PRKCE: variants seen among roughly 807,000 people sequenced by gnomAD.
PRKCE encodes protein kinase C epsilon type.
PRKCE carries 16 observed loss-of-function variants against 85.4 expected under a neutral mutation model. The observed-to-expected ratio is 0.19, with a 90% CI of 0.13 to 0.28. The LOEUF (loss-of-function observed/expected upper bound fraction) is 0.28, where lower values mean the gene tolerates loss of function less well. Among genes scored for constraint, PRKCE ranks in the 10% least tolerant of loss-of-function variants. The pLI, the probability that PRKCE is intolerant of heterozygous loss-of-function variation, is 1.00. For missense variants in PRKCE, 573 were observed against 975.2 expected (o/e 0.59, Z 5.49); for synonymous variants, 388 against 371.5 (o/e 1.04, Z -0.51).
chr2:45,846,684 C>A (rs934207895), intron 2 of PRKCE, among the ~76,000 whole-genome samples: 1 of 152,192 alleles, frequency 6.6e-6, no homozygotes, highest in Non-Finnish European at 1.5e-5. Flanking sequence ...TGGGACTCAA[C>A]AGATAGAGGA....
chr2:46,055,327 A>G (rs575100795), intron 10 of PRKCE, among the ~76,000 whole-genome samples: 15 of 152,298 alleles, frequency 9.8e-5, no homozygotes, highest in African/African-American at 3.4e-4. Context: ...TCCCCATCCC[A>G]CAAGGGTGGA....
chr2:45,888,254 A>G (rs899445692), intron 2 of PRKCE, among the ~76,000 whole-genome samples: 2 of 152,170 alleles, frequency 1.3e-5, no homozygotes, highest in Non-Finnish European at 2.9e-5. Context: ...GCAACAGCCC[A>G]AGGAGTTCTG....
intron 12 of PRKCE, among the ~76,000 whole-genome samples, chr2:46,149,953 C>A (rs1157732029): frequency 1.3e-5 from 2 of 151,404 alleles, no homozygotes; most frequent in East Asian, 1.9e-4. Flanking sequence ...AACTCCCGGG[C>A]TCAAGTGATT....
intron 1 of PRKCE, among the ~76,000 whole-genome samples, chr2:45,666,368 A>G (rs1338613409): frequency 6.6e-6 from 1 of 151,792 alleles, no homozygotes; most frequent in Admixed American, 6.6e-5. Context: ...TGCCAGCCCC[A>G]GTTGCCTACA....
At chr2:45,798,584 G>A (rs1687615943) in intron 1 of PRKCE, among the ~76,000 whole-genome samples, 1 of 152,186 alleles carries the variant, frequency 6.6e-6, no homozygotes, top group Non-Finnish European at 1.5e-5. Flanking sequence ...AATTTAAAAA[G>A]TGTAAAGCCA....
intron 1 of PRKCE, among the ~76,000 whole-genome samples, chr2:45,671,180 A>G (rs902486352): frequency 1.3e-5 from 2 of 152,182 alleles, no homozygotes; most frequent in Non-Finnish European, 2.9e-5. Flanking sequence ...TTATTCAACA[A>G]TTTGTACTGT....
chr2:45,958,289 C>A (rs1701114915), intron 2 of PRKCE, among the ~76,000 whole-genome samples: 1 of 150,514 alleles, frequency 6.6e-6, no homozygotes, highest in Admixed American at 6.6e-5. Flanking sequence ...GTGGGCAGAT[C>A]ACGAGGTCAG....
chr2:45,796,354 A>C (rs979979647), intron 1 of PRKCE, among the ~76,000 whole-genome samples: 1 of 152,232 alleles, frequency 6.6e-6, no homozygotes, highest in South Asian at 2.1e-4. Context: ...CTCATGTGTC[A>C]ACCGAAGATA....
At chr2:45,841,154 A>G (rs992707612) in intron 1 of PRKCE, among the ~76,000 whole-genome samples, 3 of 152,246 alleles carry the variant, frequency 2.0e-5, no homozygotes, top group Non-Finnish European at 4.4e-5. Context: ...TAGGAGCTGT[A>G]TTAGTCAGTG....
intron 2 of PRKCE, among the ~76,000 whole-genome samples, chr2:45,916,995 A>G (rs1697838741): frequency 6.6e-6 from 1 of 152,178 alleles, no homozygotes; most frequent in Non-Finnish European, 1.5e-5. Flanking sequence ...GAGCAGCAGC[A>G]GGATTTATTG....
chr2:46,040,158 A>G (rs1259246431), intron 10 of PRKCE, among the ~76,000 whole-genome samples: 2 of 152,224 alleles, frequency 1.3e-5, no homozygotes, highest in African/African-American at 4.8e-5. Context: ...AACTGAACAC[A>G]ATGTCTGGCT....
At chr2:46,104,511 T>G (rs1246510443) in intron 11 of PRKCE, among the ~76,000 whole-genome samples, 1 of 152,102 alleles carries the variant, frequency 6.6e-6, no homozygotes, top group Non-Finnish European at 1.5e-5. Flanking sequence ...CTCTCTCTGT[T>G]GGGGTTCTTT....
chr2:45,975,606 G>A (rs935666), intron 2 of PRKCE, among the ~76,000 whole-genome samples: 123,640 of 152,176 alleles, frequency 0.81, 50,864 homozygotes, highest in East Asian at 0.97. Context: ...AGACTTTAAT[G>A]TATTAATTTT....
intron 10 of PRKCE, among the ~76,000 whole-genome samples, chr2:46,037,168 C>T (rs1707918234): frequency 6.6e-6 from 1 of 152,354 alleles, no homozygotes; most frequent in East Asian, 1.9e-4. Flanking sequence ...CCTCCCCAGA[C>T]ATAAGTCTCT....
chr2:45,827,974 G>T (rs1408329792), intron 1 of PRKCE, among the ~76,000 whole-genome samples: 1 of 152,058 alleles, frequency 6.6e-6, no homozygotes, highest in Non-Finnish European at 1.5e-5. Context: ...AAGAACTCGA[G>T]ACAAATAGGA....
chr2:46,131,359 T>C (rs72879739), intron 11 of PRKCE, among the ~76,000 whole-genome samples: 2,763 of 152,284 alleles, frequency 0.018, 83 homozygotes, highest in African/African-American at 0.062. Flanking sequence ...GATCTTCTGA[T>C]ACATCTCTGC....
At chr2:46,160,250 C>A (rs534747328) in intron 14 of PRKCE, among the ~76,000 whole-genome samples, 1 of 152,168 alleles carries the variant, frequency 6.6e-6, no homozygotes, top group East Asian at 1.9e-4. Context: ...AGGCCCACTG[C>A]GTAAAAGTGC....
intron 1 of PRKCE, among the ~76,000 whole-genome samples, chr2:45,825,381 C>T (rs1026958970): frequency 5.9e-5 from 9 of 152,202 alleles, no homozygotes; most frequent in Admixed American, 2.0e-4. Context: ...AGGTGTTTAG[C>T]GGTGAGGGGT....
At chr2:45,957,701 A>T (rs1417714248) in intron 2 of PRKCE, among the ~76,000 whole-genome samples, 2 of 151,968 alleles carry the variant, frequency 1.3e-5, no homozygotes, top group African/African-American at 4.8e-5. Context: ...GCTTGAGGCC[A>T]GGAGTTTGAG....
Sources: gnomAD v4.1 joint callset for allele counts (sites outside exome capture counted in the v4.1 genomes callset) on GRCh38, gnomAD v4.1.1 for gene constraint, MANE v1.5 for transcripts, NCBI Gene and HGNC (gene_info 2026-07-23, HGNC 2026-07-21) for gene names.